Variants in ZBTB40 observed in about 807,000 individuals in gnomAD.
ZBTB40 encodes the protein zinc finger and BTB domain containing 40, also known as zinc finger and BTB domain-containing protein 40.
A neutral mutation model predicts 117.5 loss-of-function variants in ZBTB40; 60 were observed. That is an observed-to-expected ratio of 0.51 (90% CI 0.41 to 0.63). The LOEUF is 0.63. Among genes scored for constraint, ZBTB40 ranks in the 30% least tolerant of loss-of-function variants. The probability of loss-of-function intolerance (pLI) is 0.00; values close to 1 mark genes in which losing one functional copy is unlikely to be tolerated. For synonymous variants in ZBTB40, 525 were observed against 577.1 expected, an observed-to-expected ratio of 0.91 and a Z score of 1.29; for missense variants, 1,287 against 1,498.5, an observed-to-expected ratio of 0.86 and a Z score of 2.33.
chr1:22,515,267 A>G (rs1007963835), intron 12 of ZBTB40, among the ~76,000 whole-genome samples: 7 of 152,246 alleles, frequency 4.6e-5, no homozygotes, highest in African/African-American at 1.2e-4. Context: ...GAGGAAGAGC[A>G]TTAAGAGATA....
chr1:22,510,629 G>A (rs934926846), intron 9 of ZBTB40, among the ~76,000 whole-genome samples: 3 of 152,068 alleles, frequency 2.0e-5, no homozygotes, highest in Non-Finnish European at 4.4e-5. Context: ...TAATATTCTT[G>A]GACTCTTTAA....
chr1:22,441,236 T>A (rs1261935010), intron 1 of ZBTB40, among the ~76,000 whole-genome samples: 1 of 152,080 alleles, frequency 6.6e-6, no homozygotes, highest in African/African-American at 2.4e-5. Flanking sequence ...ATTTATACAT[T>A]TCATCTAGGT....
intron 1 of ZBTB40, among the ~76,000 whole-genome samples, chr1:22,462,107 C>A (rs1205754040): frequency 6.6e-6 from 1 of 152,168 alleles, no homozygotes; most frequent in East Asian, 1.9e-4. Flanking sequence ...ATTTAAAAAC[C>A]ACTTCATTAA....
upstream of ZBTB40, among the ~76,000 whole-genome samples, chr1:22,451,646 CAA>C (rs1382781395): frequency 1.9e-4 from 20 of 106,914 alleles, no homozygotes; most frequent in Admixed American, 1.9e-4. Flanking sequence ...TCTCCCATCT[CAA>C]AAAAAAAAAA....
At chr1:22,519,239 T>C (rs1381691522) in intron 13 of ZBTB40, among the ~76,000 whole-genome samples, 1 of 152,262 alleles carries the variant, frequency 6.6e-6, no homozygotes, top group Non-Finnish European at 1.5e-5. Context: ...TCTGTTGCTT[T>C]AAGAAAAAGA....
At chr1:22,436,461 G>A (rs992987960) in intron 1 of ZBTB40, among the ~76,000 whole-genome samples, 3 of 152,144 alleles carry the variant, frequency 2.0e-5, no homozygotes, top group African/African-American at 4.8e-5. Flanking sequence ...GCGGTGAGCC[G>A]AGATGGTGCC....
rs910772705 is a variant in ZBTB40 at position 22,517,186 on chromosome 1, T to C, written c.2669-114T>C. The C allele has an allele frequency of 2.7e-6, 4 of 1,455,768 alleles. No individual in the cohort carries two copies. In the African/African-American group the frequency reaches 5.5e-5, roughly 20 times the overall value. The allele number at this position is 1,455,768 out of a possible 1,614,324, so 90.2% of individuals were successfully genotyped here. On this transcript the variant is annotated intron_variant, in intron 12 of 17. Transcript: ENST00000375647. ...GCGTATTGCAGACTGCCTGATGTTT[T>C]AATGTCATCTACCAGATGATATTTC...
chr1:22,510,289 A>G (rs944922689), intron 9 of ZBTB40, among the ~76,000 whole-genome samples: 2 of 152,192 alleles, frequency 1.3e-5, no homozygotes, highest in Non-Finnish European at 2.9e-5. Flanking sequence ...TGACAGCCAC[A>G]TGTTGGTCTG....
intron 12 of ZBTB40, among the ~76,000 whole-genome samples, chr1:22,516,935 G>A (rs209722): frequency 0.46 from 70,594 of 152,026 alleles, 18,498 homozygotes; most frequent in African/African-American, 0.69. Flanking sequence ...TCCACACTGT[G>A]TATGTCGCCA....
At chr1:22,510,333 T>C (rs1443186221) in intron 9 of ZBTB40, among the ~76,000 whole-genome samples, 1 of 152,200 alleles carries the variant, frequency 6.6e-6, no homozygotes, top group East Asian at 1.9e-4. Flanking sequence ...CACATTTCTG[T>C]GGGGCTTCAG....
At chr1:22,446,494 C>T (rs1640791487) in intron 1 of ZBTB40, among the ~76,000 whole-genome samples, 1 of 151,516 alleles carries the variant, frequency 6.6e-6, no homozygotes. Flanking sequence ...TTAGAAAAAC[C>T]AAAGATGAAG....
intron 1 of ZBTB40, among the ~76,000 whole-genome samples, chr1:22,457,544 A>G (rs557767296): frequency 1.9e-4 from 29 of 152,334 alleles, no homozygotes; most frequent in Non-Finnish European, 1.9e-4. Flanking sequence ...CCTCTGCTGC[A>G]GGCACTAGCG....
In ZBTB40 at chr1:22,517,446, C is replaced by T; in HGVS notation, c.2815C>T (p.His939Tyr). ...GFRQANGLSI[H>Y]LHTFHNIEDP... Reference sequence around the variant, plus strand: ...CCGGCAAGCCAATGGCCTCTCCATCCATCTGCACACCTTTCACAGTATGTA... The same window carrying T: ...CCGGCAAGCCAATGGCCTCTCCATCTATCTGCACACCTTTCACAGTATGTA... The change falls in exon 13 of 18, where the codon CAT becomes TAT. Residue 939 changes from histidine (H) to tyrosine (Y), a missense_variant. By Grantham distance (83) the His-to-Tyr change is moderately conservative. This residue lies in a region of ZBTB40 where 417 missense variants were observed against 564.1 expected (regional missense o/e 0.74). Transcript: ENST00000375647. The T allele has an allele frequency of 6.2e-7, 1 of 1,614,000 alleles. No individual in the cohort carries two copies. The highest frequency in any genetic ancestry group is 8.5e-7 in the Non-Finnish European group (1 of 1,179,998).
intron 16 of ZBTB40, 53 bp downstream of exon 16, chr1:22,522,516 C>A (rs35474829): frequency 5.8e-6 from 9 of 1,555,224 alleles, no homozygotes; most frequent in Middle Eastern, 1.7e-4. Context: ...CTGAATCTCC[C>A]CTCCACCACT....
At chr1:22,487,555 C>T (rs1256250185) in intron 1 of ZBTB40, among the ~76,000 whole-genome samples, 1 of 152,086 alleles carries the variant, frequency 6.6e-6, no homozygotes, top group Non-Finnish European at 1.5e-5. Flanking sequence ...AATTGTTTCT[C>T]TCTGTCCTTC....
chr1:22,494,777 A>G (rs1268908484), intron 3 of ZBTB40, among the ~76,000 whole-genome samples: 1 of 152,204 alleles, frequency 6.6e-6, no homozygotes, highest in Non-Finnish European at 1.5e-5. Flanking sequence ...AAACTTCAAT[A>G]AGACTTGATC....
At chr1:22,515,522 A>T (rs1042129928) in intron 12 of ZBTB40, among the ~76,000 whole-genome samples, 1 of 152,142 alleles carries the variant, frequency 6.6e-6, no homozygotes, top group Non-Finnish European at 1.5e-5. Context: ...GGGAGATCTC[A>T]TTCCTTGCCT....
rs1214819566 is a variant in ZBTB40, at chr1:22,524,429, C to T, written c.3510C>T (p.Ala1170=). The T allele has an allele frequency of 6.2e-7, 1 of 1,613,760 alleles. No homozygotes were observed. The highest frequency in any genetic ancestry group is 8.5e-7 in the Non-Finnish European group (1 of 1,180,054). The part of the protein sequence containing the change: ...KVMSTETQAA[A]SQMAQVIQTP... ...TGAGCACGGAAACCCAGGCCGCAGCCTCACAGATGGCGCAGGTGATTCTGG... is the reference window on the plus strand; with the variant it reads ...TGAGCACGGAAACCCAGGCCGCAGCTTCACAGATGGCGCAGGTGATTCTGG... Residue 1170 remains alanine, a synonymous_variant, in exon 17 of 18, where the codon GCC becomes GCT. Transcript: ENST00000375647.
chr1:22,450,877 T>C (rs1409473384), upstream of ZBTB40, among the ~76,000 whole-genome samples: 1 of 152,134 alleles, frequency 6.6e-6, no homozygotes, highest in Non-Finnish European at 1.5e-5. Context: ...GACATTGCAC[T>C]AAGATGGCTG....
Sources: gnomAD v4.1 joint callset for allele counts (sites outside exome capture counted in the v4.1 genomes callset) on GRCh38, gnomAD v4.1.1 for gene constraint, gnomAD v4.1.1 regional missense constraint, MANE v1.5 for transcripts, NCBI Gene and HGNC (gene_info 2026-07-23, HGNC 2026-07-21) for gene names.